KRT25: variants seen among roughly 807,000 people sequenced by gnomAD.
KRT25 encodes keratin 25.
KRT25 carries 37 observed loss-of-function variants against 47.6 expected under a neutral mutation model. That is an observed-to-expected ratio of 0.78 (90% CI 0.60 to 1.02). The LOEUF is 1.02. Ranked by LOEUF, KRT25 falls within the 50% of genes least tolerant of loss-of-function variation. KRT25 has a pLI of 0.00. For missense variants in KRT25, 542 were observed against 550.3 expected (o/e 0.98, Z 0.15); for synonymous variants, 203 against 210.2 (o/e 0.97, Z 0.30).
chr17:40,753,878 G>T lies in KRT25; in HGVS notation c.651C>A (p.Leu217=). The part of the protein sequence containing the change: ...YETLSEEMTY[L]KKNHKEEMQV... The stretch of plus-strand genomic sequence containing the variant: ...CTCTTACCTCTTTATGGTTCTTTTT[G>T]AGGTAAGTCATCTCCTCACTCAGGG... The change falls in exon 3 of 8, where the codon CTC becomes CTA. Residue 217 remains leucine (L), a synonymous_variant. Transcript: ENST00000312150. The T allele has an allele frequency of 6.2e-7, 1 of 1,613,868 alleles. No homozygotes were observed. Among genetic ancestry groups the T allele is most frequent in the Non-Finnish European group, 8.5e-7 (1 of 1,179,958 alleles).
upstream of KRT25, among the ~76,000 whole-genome samples, chr17:40,755,497 AG>A (rs2038098851): frequency 1.3e-5 from 2 of 152,098 alleles, no homozygotes; most frequent in African/African-American, 4.8e-5. Flanking sequence ...TTCCTGTAGG[AG>A]GGCAGTTGCC....
upstream of KRT25, among the ~76,000 whole-genome samples, chr17:40,755,537 G>A (rs2038099085): frequency 6.6e-6 from 1 of 152,212 alleles, no homozygotes; most frequent in Admixed American, 6.5e-5. Flanking sequence ...TGAGAAATGG[G>A]TCTGGGTGGA....
chr17:40,753,959 T>G lies in KRT25; in HGVS notation c.570A>C (p.Arg190=). Residue 190 remains arginine (R), a synonymous_variant, in exon 3 of 8, where the codon CGA becomes CGC. Transcript: ENST00000312150. ...ACAGGGTTATTTCATCCAAAACTCT[T>G]CGTAACCCATTGACATCAGCCTCTA... The part of the protein sequence containing the change: ...QSVEADVNGL[R]RVLDEITLCR... The G allele has an allele frequency of 6.2e-7, 1 of 1,614,008 alleles. No homozygotes were observed. Among genetic ancestry groups the G allele is most frequent in the Middle Eastern group, 1.6e-4 (1 of 6,062 alleles).
Position 40,748,345 on chromosome 17 carries a change from C to T in KRT25, c.1285G>A (p.Val429Ile), listed in dbSNP as rs1486971742. The change falls in exon 8 of 8, where the codon GTA (valine) becomes ATA (isoleucine). Residue 429 changes from valine to isoleucine, a missense_variant. By Grantham distance (29) the Val-to-Ile change is conservative. Coordinates refer to ENST00000312150, the MANE Select transcript of KRT25 (RefSeq NM_181534.4). Reference sequence around the variant, plus strand: ...GTAAGTATTTTGCTGCGTTGGTCTACCTCCTCAAGAACTTTCTTAACCACT... The same window carrying T: ...GTAAGTATTTTGCTGCGTTGGTCTATCTCCTCAAGAACTTTCTTAACCACT... ...AIVVKKVLEEVDQRSKILTTR... is the reference protein window; with the variant it reads ...AIVVKKVLEEIDQRSKILTTR... 3.1e-6 allele frequency: 5 copies of T among 1,612,944 alleles called. No homozygotes were observed. Among genetic ancestry groups the T allele is most frequent in the Non-Finnish European group, 4.2e-6 (5 of 1,179,522 alleles).
intron 3 of KRT25, among the ~76,000 whole-genome samples, chr17:40,752,137 TAAAAG>T (rs761236550): frequency 6.6e-6 from 1 of 152,110 alleles, no homozygotes; most frequent in Admixed American, 6.5e-5. Context: ...TCTGAGTTGT[TAAAAG>T]AAGTCAAAGA....
intron 3 of KRT25, among the ~76,000 whole-genome samples, chr17:40,752,701 A>C (rs2038061563): frequency 6.6e-6 from 1 of 152,212 alleles, no homozygotes; most frequent in Non-Finnish European, 1.5e-5. Context: ...GATTCATCAA[A>C]AATTGATTAA....
intron 6 of KRT25, 79 bp downstream of exon 6, chr17:40,750,301 G>T (rs1225375892): frequency 2.8e-6 from 4 of 1,410,888 alleles, no homozygotes; most frequent in Non-Finnish European, 4.0e-6. Flanking sequence ...AATTATGTCC[G>T]CTTTCCAGTG....
rs766873853 is a variant in KRT25, at chr17:40,750,592, G to C, written c.963C>G (p.His321Gln). 6.2e-7 allele frequency: 1 copy of C among 1,614,174 alleles called. No homozygotes were observed. Among genetic ancestry groups the C allele is most frequent in the Non-Finnish European group, 8.5e-7 (1 of 1,180,016 alleles). ...IELQSLLATK[H>Q]SLECSLTETE... is the part of the protein sequence containing the mutation. ...TCTCTGTCAAGGAGCACTCCAGGGA[G>C]TGTTTCTGTCAGGAAGCAATAAAGA... Residue 321 changes from histidine (H) to glutamine (Q), a missense_variant, in exon 6 of 8, where the codon CAC becomes CAG. His to Gln is a conservative substitution (Grantham distance 24, BLOSUM62 0). Transcript: ENST00000312150.
chr17:40,749,229 C>A (rs1463046926), intron 7 of KRT25, 29 bp downstream of exon 7: 1 of 1,539,518 alleles, frequency 6.5e-7, no homozygotes, highest in Non-Finnish European at 9.0e-7. Context: ...AAAAAATTAG[C>A]ATTGCACAAC....
In KRT25 at chr17:40,754,917, C is replaced by A; in HGVS notation, c.355G>T (p.Gly119Trp). 1 of 1,614,122 alleles carries A rather than the reference C, an allele frequency of 6.2e-7. No homozygotes were observed. Among genetic ancestry groups the A allele is most frequent in the Admixed American group, 1.7e-5 (1 of 60,020 alleles). The change falls in exon 1 of 8, where the codon GGG becomes TGG. Residue 119 changes from glycine (G) to tryptophan (W), a missense_variant. Gly to Trp is a radical substitution (Grantham distance 184). Coordinates refer to ENST00000312150, the MANE Select transcript of KRT25 (RefSeq NM_181534.4). ...QKIKGWYEKF[G>W]PGSCRGLDHD... ...TCAAGACCACGGCAAGAGCCAGGCC[C>A]AAATTTCTCATACCAGCCCTTGATC...
At position 40,754,120 on chromosome 17, in the gene KRT25, G is replaced by A. The variant is rs964936157; in HGVS notation, c.513-104C>T. ...TAGCATTCTGGAATTTTGAAGATTT[G>A]GCCACAAGAGGCATTTTCAAAGCTT... is the stretch of plus-strand genomic sequence containing the variant. On this transcript the variant is annotated intron_variant, in intron 2 of 7. Transcript: ENST00000312150. The A allele has an allele frequency of 7.3e-6, 8 of 1,089,124 alleles. No homozygotes were observed. In the African/African-American group the frequency reaches 1.1e-4, roughly 15 times the overall value. 67.5% of individuals were successfully genotyped at this position (1,089,124 alleles called of 1,614,324 possible).
chr17:40,751,164 CCTT>C lies in KRT25; in HGVS notation c.829_831del (p.Lys277del), dbSNP rs751278637. 8 of 1,613,966 alleles carry C rather than the reference CCTT, an allele frequency of 5.0e-6. No homozygotes were observed. The highest frequency in any genetic ancestry group is 1.7e-5 in the Admixed American group (1 of 59,988). ...GGGACCGTTTTCTGGAGGAGAGTCA[CCTT>C]CTCGTTGAACCAGGCCTCCGCGTCC... On this transcript the variant is annotated inframe_deletion and splice_region_variant, in exon 4 of 8. Coordinates refer to ENST00000312150, the MANE Select transcript of KRT25 (RefSeq NM_181534.4).
In KRT25 at chr17:40,748,075, T is replaced by C. The variant is rs1433341592; in HGVS notation, c.*202A>G. The C allele has an allele frequency of 2.3e-6, 1 of 434,474 alleles. No individual in the cohort carries two copies. Among genetic ancestry groups the C allele is most frequent in the Non-Finnish European group, 4.0e-6 (1 of 247,744 alleles). The allele number at this position is 434,474 out of a possible 1,614,324, so 26.9% of individuals were successfully genotyped here. ...ACAAAGAATTGACAACAGATTTCTGTAGGATAATCAAATGAGTCATATTTG... is the reference window on the plus strand; with the variant it reads ...ACAAAGAATTGACAACAGATTTCTGCAGGATAATCAAATGAGTCATATTTG... On this transcript the variant is annotated 3_prime_UTR_variant, in exon 8 of 8. Coordinates refer to ENST00000312150, the MANE Select transcript of KRT25 (RefSeq NM_181534.4).
chr17:40,753,169 G>A (rs2038066030), intron 3 of KRT25, among the ~76,000 whole-genome samples: 1 of 152,240 alleles, frequency 6.6e-6, no homozygotes, highest in South Asian at 2.1e-4. Flanking sequence ...TTTAGAAATT[G>A]AGATCTAGTT....
chr17:40,748,130 G>A lies in KRT25; in HGVS notation c.*147C>T, dbSNP rs2038012684. ...TGGCATTCTTCTAGATGAATGGGGA[G>A]ATGCTGTCATTGATTGCCCAGAAAG... On this transcript the variant is annotated 3_prime_UTR_variant, in exon 8 of 8. Coordinates refer to ENST00000312150, the MANE Select transcript of KRT25 (RefSeq NM_181534.4). The A allele has an allele frequency of 9.4e-6, 5 of 530,918 alleles. No homozygotes were observed. The highest frequency in any genetic ancestry group is 1.7e-5 in the Non-Finnish European group (5 of 302,740). 32.9% of individuals were successfully genotyped at this position (530,918 alleles called of 1,614,324 possible).
chr17:40,752,039 A>G (rs2038055306), intron 3 of KRT25, among the ~76,000 whole-genome samples: 2 of 152,102 alleles, frequency 1.3e-5, no homozygotes, highest in Admixed American at 1.3e-4. Context: ...GTTCTGCCCT[A>G]TAGTGGCTAG....
Position 40,753,968 on chromosome 17 carries a change from A to G in KRT25, c.561T>C (p.Asn187=), listed in dbSNP as rs949852479. 8 of 1,613,940 alleles carry G rather than the reference A, an allele frequency of 5.0e-6. No homozygotes were observed. The African/African-American group carries it at 6.7e-5, about 13-fold the overall frequency. The stretch of plus-strand genomic sequence containing the variant: ...TTTCATCCAAAACTCTTCGTAACCC[A>G]TTGACATCAGCCTCTACACTCTGGT... The part of the protein sequence containing the change: ...ALHQSVEADV[N]GLRRVLDEIT... Residue 187 remains asparagine (N), a synonymous_variant, in exon 3 of 8, where the codon AAT becomes AAC. Coordinates refer to ENST00000312150, the MANE Select transcript of KRT25 (RefSeq NM_181534.4).
Position 40,753,863 on chromosome 17 carries a change from T to A in KRT25, c.666A>T (p.Lys222Asn), listed in dbSNP as rs138781615. ...AATGTAGACGACCAGCTCTTACCTC[T>A]TTATGGTTCTTTTTGAGGTAAGTCA... is the stretch of plus-strand genomic sequence containing the variant. Reference protein sequence around the residue: ...EEMTYLKKNHKEEMQVLQCAA... With the variant: ...EEMTYLKKNHNEEMQVLQCAA... Residue 222 changes from lysine to asparagine, a missense_variant, in exon 3 of 8, where the codon AAA becomes AAT. Lys to Asn is a moderately conservative substitution (Grantham distance 94). Coordinates refer to ENST00000312150, the MANE Select transcript of KRT25 (RefSeq NM_181534.4). The A allele has an allele frequency of 7.0e-4, 1,130 of 1,613,792 alleles. No individual in the cohort carries two copies. Among genetic ancestry groups the A allele is most frequent in the Non-Finnish European group, 8.7e-4 (1,024 of 1,179,914 alleles).
At chr17:40,750,647 G>A (rs1474253795) in intron 5 of KRT25, 50 bp from the exon 6 acceptor site, 6 of 1,602,412 alleles carry the variant, frequency 3.7e-6, no homozygotes, top group Non-Finnish European at 5.1e-6. Flanking sequence ...AGATATGCAG[G>A]GATTTCTTTG....
Sources: gnomAD v4.1 joint callset for allele counts (sites outside exome capture counted in the v4.1 genomes callset) on GRCh38, gnomAD v4.1.1 for gene constraint, MANE v1.5 for transcripts, NCBI Gene and HGNC (gene_info 2026-07-23, HGNC 2026-07-21) for gene names.